Variants in SDK1 observed in about 807,000 individuals in gnomAD.
SDK1 encodes the protein sidekick cell adhesion molecule 1.
Under a neutral mutation model 245.5 loss-of-function variants are expected in SDK1, and 157 were observed. The ratio of observed to expected loss-of-function variants is 0.64; its 90% CI spans 0.56 to 0.73. The LOEUF (loss-of-function observed/expected upper bound fraction) is 0.73. Ranked by LOEUF, SDK1 falls within the 30% of genes least tolerant of loss-of-function variation. SDK1 has a pLI of 0.00. For synonymous variants in SDK1, 1,647 were observed against 1,278.5 expected, an observed-to-expected ratio of 1.29 and a Z score of -6.15; for missense variants, 3,583 against 3,002.3, an observed-to-expected ratio of 1.19 and a Z score of -4.52.
At chr7:3,588,805 A>C (rs1320768474) in intron 1 of SDK1, among the ~76,000 whole-genome samples, 1 of 152,224 alleles carries the variant, frequency 6.6e-6, no homozygotes, top group African/African-American at 2.4e-5. Context: ...GCTACTTTGC[A>C]TCACTACTTT....
intron 1 of SDK1, among the ~76,000 whole-genome samples, chr7:3,574,035 G>C (rs2178628): frequency 1.3e-5 from 2 of 151,778 alleles, no homozygotes; most frequent in South Asian, 4.1e-4. Context: ...AGATAGGTTG[G>C]GTGTTGAAGA....
chr7:3,419,955 C>G (rs1779492071), intron 1 of SDK1, among the ~76,000 whole-genome samples: 2 of 152,114 alleles, frequency 1.3e-5, no homozygotes, highest in African/African-American at 2.4e-5. Flanking sequence ...GTACCAGTGG[C>G]TCAGAAGTAG....
chr7:3,749,362 C>T (rs931130068), intron 4 of SDK1, among the ~76,000 whole-genome samples: 5 of 151,644 alleles, frequency 3.3e-5, no homozygotes, highest in African/African-American at 1.2e-4. Flanking sequence ...TGCAATGGCA[C>T]GATCTCAGCT....
chr7:3,571,344 G>T (rs921059236), intron 1 of SDK1, among the ~76,000 whole-genome samples: 2 of 151,588 alleles, frequency 1.3e-5, no homozygotes, highest in African/African-American at 2.4e-5. Flanking sequence ...ACATTGTCAC[G>T]CACGTGGGGG....
Position 4,245,833 on chromosome 7 carries a change from G to T in SDK1, c.6381+28G>T, listed in dbSNP as rs780605816. 3 of 1,612,774 alleles carry T rather than the reference G, an allele frequency of 1.9e-6. No homozygotes were observed. In the African/African-American group the frequency reaches 4.0e-5, roughly 22 times the overall value. ...CAGTGTCGGTGCCTACTTCCGGGCAGTGACCATCAGCCCCTACTTCTGCAG... is the reference window on the plus strand; with the variant it reads ...CAGTGTCGGTGCCTACTTCCGGGCATTGACCATCAGCCCCTACTTCTGCAG... On this transcript the variant is annotated intron_variant, in intron 44 of 44. Coordinates refer to ENST00000404826, the MANE Select transcript of SDK1 (RefSeq NM_152744.4).
At chr7:3,658,936 G>A (rs1180495004) in intron 4 of SDK1, among the ~76,000 whole-genome samples, 2 of 152,086 alleles carry the variant, frequency 1.3e-5, no homozygotes, top group Non-Finnish European at 2.9e-5. Context: ...CTATCTAACA[G>A]AATATTTCCA....
At chr7:3,633,717 A>G (rs564446975) in intron 2 of SDK1, among the ~76,000 whole-genome samples, 15 of 152,330 alleles carry the variant, frequency 9.8e-5, no homozygotes, top group East Asian at 9.6e-4. Flanking sequence ...TATTTTGGCT[A>G]TGTTCTAGGG....
At chr7:3,611,322 G>C (rs1781580084) in intron 1 of SDK1, among the ~76,000 whole-genome samples, 1 of 152,122 alleles carries the variant, frequency 6.6e-6, no homozygotes, top group Non-Finnish European at 1.5e-5. Context: ...TTGGGAATTA[G>C]TATGTACCAT....
At chr7:3,779,775 A>G in intron 4 of SDK1, among the ~76,000 whole-genome samples, 1 of 151,938 alleles carries the variant, frequency 6.6e-6, no homozygotes, top group African/African-American at 2.4e-5. Context: ...TACTGGAAAT[A>G]CAAAAAATTA....
At chr7:4,204,385 G>A (rs1055696284) in intron 35 of SDK1, among the ~76,000 whole-genome samples, 4 of 152,160 alleles carry the variant, frequency 2.6e-5, no homozygotes, top group Non-Finnish European at 4.4e-5. Context: ...AACCTGGTGT[G>A]GGCTATTAAC....
chr7:3,431,941 C>A (rs1344948490), intron 1 of SDK1, among the ~76,000 whole-genome samples: 1 of 151,732 alleles, frequency 6.6e-6, no homozygotes, highest in African/African-American at 2.4e-5. Flanking sequence ...CTAACCTTTT[C>A]TCAGGGGTGT....
In SDK1 at chr7:3,319,843, C is replaced by T. The variant is rs1334373550; in HGVS notation, c.298+17959C>T. Among the ~76,000 whole-genome samples, 8 of 140,654 alleles carry T rather than the reference C, an allele frequency of 5.7e-5. No homozygotes were observed. The East Asian group carries it at 1.7e-3, about 29-fold the overall frequency. 92.3% of individuals were successfully genotyped at this position (140,654 alleles called of 152,430 possible). ...TACTTTATATTACAAATCTGGTTTC[C>T]TCTTCCATTTGCCTATATCTAACCC... On this transcript the variant is annotated intron_variant, in intron 1 of 44. Coordinates refer to ENST00000404826, the MANE Select transcript of SDK1 (RefSeq NM_152744.4).
chr7:4,145,772 A>C lies in SDK1; in HGVS notation c.4279A>C (p.Thr1427Pro). ...CAGCAGCAGCCCCCACACCTTCACC[A>C]CCGTGGAGGTCGGCGCCACAGTGAG... ...LASSSPHTFTTVEVGATVRQF... is the reference protein window; with the variant it reads ...LASSSPHTFTPVEVGATVRQF... The change falls in exon 29 of 45, where the codon ACC becomes CCC. Residue 1427 changes from threonine (T) to proline (P), a missense_variant. By Grantham distance (38) the Thr-to-Pro change is conservative. Transcript: ENST00000404826. The C allele has an allele frequency of 6.2e-7, 1 of 1,612,958 alleles. No homozygotes were observed. The highest frequency in any genetic ancestry group is 8.5e-7 in the Non-Finnish European group (1 of 1,179,640).
intron 4 of SDK1, among the ~76,000 whole-genome samples, chr7:3,786,828 T>C (rs1445111071): frequency 6.6e-6 from 1 of 152,124 alleles, no homozygotes; most frequent in East Asian, 1.9e-4. Flanking sequence ...GTAGTACTAC[T>C]GTACAGCTGG....
chr7:4,079,422 G>T (rs373277233), intron 21 of SDK1, 41 bp from the exon 22 acceptor site: 6 of 1,609,714 alleles, frequency 3.7e-6, no homozygotes, highest in East Asian at 2.2e-5. Context: ...AAGCTGTGAC[G>T]GACTGTAAAT....
chr7:3,599,525 G>A (rs1781186117), intron 1 of SDK1, among the ~76,000 whole-genome samples: 1 of 152,076 alleles, frequency 6.6e-6, no homozygotes, highest in African/African-American at 2.4e-5. Flanking sequence ...TTTATGTCAG[G>A]TCTAAGAGTC....
At chr7:3,988,439 C>A (rs1784043835) in intron 14 of SDK1, among the ~76,000 whole-genome samples, 1 of 152,088 alleles carries the variant, frequency 6.6e-6, no homozygotes, top group African/African-American at 2.4e-5. Context: ...CAACACTGAT[C>A]TTCCTGAGAT....
At chr7:4,102,452 T>A (rs932001518) in intron 22 of SDK1, among the ~76,000 whole-genome samples, 1 of 152,182 alleles carries the variant, frequency 6.6e-6, no homozygotes, top group African/African-American at 2.4e-5. Flanking sequence ...TTCTGGAGCA[T>A]CTTTTTCTCC....
chr7:3,467,782 G>A (rs774138679), intron 1 of SDK1, among the ~76,000 whole-genome samples: 7 of 152,044 alleles, frequency 4.6e-5, no homozygotes, highest in Non-Finnish European at 8.8e-5. Flanking sequence ...ATTGGATAGT[G>A]TTCAATTAAA....
Sources: allele counts gnomAD v4.1 joint callset (sites outside exome capture counted in the v4.1 genomes callset), GRCh38; gene constraint gnomAD v4.1.1; transcripts MANE v1.5; gene names NCBI Gene and HGNC (gene_info 2026-07-23, HGNC 2026-07-21).